DPP10: variants seen among roughly 807,000 people sequenced by gnomAD.
DPP10 encodes inactive dipeptidyl peptidase 10.
In DPP10, 33 loss-of-function variants were observed where a neutral mutation model predicts 120.9. That is an observed-to-expected ratio of 0.27 (90% CI 0.21 to 0.37). The LOEUF is 0.37. DPP10 is among the 10% of genes least tolerant of loss of function. The probability of loss-of-function intolerance (pLI) is 1.00; values close to 1 mark genes in which losing one functional copy is unlikely to be tolerated. For missense variants in DPP10, 816 were observed against 942.8 expected (o/e 0.87, Z 1.76); for synonymous variants, 337 against 326.1 (o/e 1.03, Z -0.36).
At chr2:115,701,470 A>T (rs1181986335) in intron 7 of DPP10, among the ~76,000 whole-genome samples, 1 of 152,078 alleles carries the variant, frequency 6.6e-6, no homozygotes, top group Non-Finnish European at 1.5e-5. Flanking sequence ...AAGCTCTAAA[A>T]CTATAAAACT....
At chr2:115,246,675 G>A (rs1323662232) in intron 1 of DPP10, among the ~76,000 whole-genome samples, 1 of 152,108 alleles carries the variant, frequency 6.6e-6, no homozygotes, top group Non-Finnish European at 1.5e-5. Flanking sequence ...AGGATTCAGT[G>A]TATGGGACAC....
At chr2:115,627,627 C>A (rs2085471840) in intron 5 of DPP10, among the ~76,000 whole-genome samples, 1 of 152,098 alleles carries the variant, frequency 6.6e-6, no homozygotes, top group Admixed American at 6.6e-5. Context: ...ATCAACCTAT[C>A]ACATAGGTAT....
intron 1 of DPP10, among the ~76,000 whole-genome samples, chr2:114,745,270 G>T (rs138410180): frequency 7.2e-5 from 11 of 152,284 alleles, no homozygotes; most frequent in Admixed American, 2.0e-4. Flanking sequence ...AAAGAAACAT[G>T]TGGATGGAGG....
At chr2:115,086,957 A>G (rs930835386) in intron 1 of DPP10, among the ~76,000 whole-genome samples, 1 of 152,168 alleles carries the variant, frequency 6.6e-6, no homozygotes, top group Non-Finnish European at 1.5e-5. Context: ...AACATATACT[A>G]TAATATCTTC....
intron 1 of DPP10, among the ~76,000 whole-genome samples, chr2:114,978,866 A>T (rs369207006): frequency 6.6e-6 from 1 of 152,310 alleles, no homozygotes; most frequent in East Asian, 1.9e-4. Flanking sequence ...CATCAACAAT[A>T]TAAGAATTAT....
At chr2:115,040,377 T>G (rs901776249) in intron 1 of DPP10, among the ~76,000 whole-genome samples, 3 of 152,112 alleles carry the variant, frequency 2.0e-5, no homozygotes, top group Non-Finnish European at 4.4e-5. Flanking sequence ...TGTACCTTTT[T>G]CTAGAAAAAA....
intron 5 of DPP10, among the ~76,000 whole-genome samples, chr2:115,607,363 A>T (rs1268721141): frequency 6.6e-6 from 1 of 152,234 alleles, no homozygotes; most frequent in Non-Finnish European, 1.5e-5. Flanking sequence ...CACATTTAGT[A>T]AAAGGGAACA....
At chr2:114,690,731 C>T (rs990038051) in intron 1 of DPP10, among the ~76,000 whole-genome samples, 3 of 152,068 alleles carry the variant, frequency 2.0e-5, no homozygotes, top group Non-Finnish European at 2.9e-5. Context: ...AATGTTTCTC[C>T]ATTTATTTGT....
At position 115,712,540 on chromosome 2, in the gene DPP10, TTAAA is replaced by T. The variant is rs1185386665; in HGVS notation, c.577-15273_577-15270del. Among the ~76,000 whole-genome samples, 40 of 18,068 alleles carry T rather than the reference TTAAA, an allele frequency of 2.2e-3. 7 individuals carry two copies. Among genetic ancestry groups the T allele is most frequent in the East Asian group, 0.011 (3 of 278 alleles). The allele number at this position is 18,068 out of a possible 152,430, so 11.9% of individuals were successfully genotyped here. A position where few individuals can be genotyped will look rare whatever the true frequency, so the allele number is the denominator to read the frequency against. On this transcript the variant is annotated intron_variant, in intron 7 of 25. Transcript: ENST00000410059. Reference sequence around the variant, plus strand: ...AGAAATAGCTTTGAAGAGTCCTGAATTAAATATATATATATATATATATATAAAG... The same window carrying T: ...AGAAATAGCTTTGAAGAGTCCTGAATTATATATATATATATATATATAAAG...
chr2:114,628,057 A>G (rs894406986), intron 1 of DPP10, among the ~76,000 whole-genome samples: 5 of 152,164 alleles, frequency 3.3e-5, no homozygotes, highest in Non-Finnish European at 7.4e-5. Flanking sequence ...TGAAGGCATA[A>G]TATGAAATCT....
intron 1 of DPP10, among the ~76,000 whole-genome samples, chr2:114,965,655 G>A (rs1698956062): frequency 6.6e-6 from 1 of 152,018 alleles, no homozygotes. Flanking sequence ...CAAATTACCT[G>A]AGAGGCATAC....
At chr2:115,333,009 T>C (rs2062853574) in intron 2 of DPP10, among the ~76,000 whole-genome samples, 1 of 152,166 alleles carries the variant, frequency 6.6e-6, no homozygotes, top group Admixed American at 6.5e-5. Context: ...ATCTGCCTAA[T>C]GTTGACAGTG....
intron 1 of DPP10, among the ~76,000 whole-genome samples, chr2:115,091,179 G>A (rs1277485192): frequency 1.3e-5 from 2 of 152,080 alleles, no homozygotes; most frequent in Non-Finnish European, 2.9e-5. Context: ...CAACACCAAT[G>A]GCCCTCCAGC....
chr2:115,748,137 G>C (rs932565929), intron 10 of DPP10, among the ~76,000 whole-genome samples: 1 of 151,638 alleles, frequency 6.6e-6, no homozygotes, highest in Non-Finnish European at 1.5e-5. Flanking sequence ...TGTGTTCATA[G>C]TATAGCTACC....
chr2:115,064,285 G>C (rs941749213), intron 1 of DPP10, among the ~76,000 whole-genome samples: 1 of 152,154 alleles, frequency 6.6e-6, no homozygotes, highest in South Asian at 2.1e-4. Context: ...AGGCTGGTGT[G>C]CTTCTGCTCC....
chr2:115,542,458 CA>C (rs1425457591), intron 5 of DPP10, among the ~76,000 whole-genome samples: 1 of 151,696 alleles, frequency 6.6e-6, no homozygotes, highest in Non-Finnish European at 1.5e-5. Flanking sequence ...ACATGTAAAG[CA>C]AAAAGGAAGA....
chr2:115,177,806 C>T (rs1199646592), intron 1 of DPP10, among the ~76,000 whole-genome samples: 1 of 151,476 alleles, frequency 6.6e-6, no homozygotes, highest in East Asian at 1.9e-4. Flanking sequence ...CTCTGTGGCC[C>T]AGGCTGGAGT....
chr2:115,544,710 A>C (rs2079392268), intron 5 of DPP10, among the ~76,000 whole-genome samples: 1 of 152,038 alleles, frequency 6.6e-6, no homozygotes, highest in African/African-American at 2.4e-5. Flanking sequence ...CGCTGTTCTT[A>C]AGGGCAACAT....
intron 1 of DPP10, among the ~76,000 whole-genome samples, chr2:114,951,293 T>C (rs1697765436): frequency 1.3e-5 from 2 of 152,176 alleles, no homozygotes; most frequent in African/African-American, 2.4e-5. Context: ...ATATTTATAA[T>C]TTGCTCCATA....
Sources: gnomAD v4.1 joint callset for allele counts (sites outside exome capture counted in the v4.1 genomes callset) on GRCh38, gnomAD v4.1.1 for gene constraint, MANE v1.5 for transcripts, NCBI Gene and HGNC (gene_info 2026-07-23, HGNC 2026-07-21) for gene names.